The following PECAM1 variants were observed in gnomAD, a reference collection of about 807,000 sequenced individuals.
PECAM1 encodes the protein platelet and endothelial cell adhesion molecule 1.
In PECAM1, 8 loss-of-function variants were observed where a neutral mutation model predicts 13.8. The observed-to-expected ratio is 0.58, with a 90% CI of 0.34 to 1.05. PECAM1 has a LOEUF of 1.05. PECAM1 is among the 50% of genes least tolerant of loss of function. The pLI, the probability that PECAM1 is intolerant of heterozygous loss-of-function variation, is 0.03. For synonymous variants in PECAM1, 136 were observed against 52.6 expected (o/e 2.58, Z -6.86); for missense variants, 304 against 141.2 (o/e 2.15, Z -5.84).
At chr17:64,369,154 C>T (rs994871327) in intron 5 of PECAM1, among the ~76,000 whole-genome samples, 81 of 151,780 alleles carry the variant, frequency 5.3e-4, no homozygotes, top group Non-Finnish European at 7.9e-4. Flanking sequence ...AGGCTGGTCT[C>T]GAACTCCCGG....
intron 7 of PECAM1, among the ~76,000 whole-genome samples, chr17:64,357,826 AGCTTCACATGG>A (rs1442907726): frequency 1.3e-4 from 20 of 152,188 alleles, no homozygotes; most frequent in Non-Finnish European, 2.6e-4. Context: ...TTAAACCAAC[AGCTTCACATGG>A]GCTTCACATT....
chr17:64,380,024 C>CA (rs1225502082), intron 2 of PECAM1, among the ~76,000 whole-genome samples: 2,194 of 113,786 alleles, frequency 0.019, 43 homozygotes, highest in African/African-American at 0.053. Flanking sequence ...GATCCTGTCT[C>CA]AAAAAAAAAA....
At chr17:64,346,344 T>A (rs2035569319) in intron 13 of PECAM1, among the ~76,000 whole-genome samples, 1 of 152,146 alleles carries the variant, frequency 6.6e-6, no homozygotes, top group African/African-American at 2.4e-5. Context: ...GATGCATTTT[T>A]AATTTTTTTT....
Position 64,329,964 on chromosome 17 carries a change from A to AT in PECAM1, c.2165-243dup, listed in dbSNP as rs5821432. Reference sequence around the variant, plus strand: ...TGGCACTTCATTTAAAATTTTCTTTATTTTTTATTTTTTGAGACAGAGTCT... The same window carrying AT: ...TGGCACTTCATTTAAAATTTTCTTTATTTTTTTATTTTTTGAGACAGAGTCT... On this transcript the variant is annotated intron_variant, in intron 14 of 15. Transcript: ENST00000563924. Among the ~76,000 whole-genome samples the AT allele has an allele frequency of 7.6e-3, 1,139 of 149,452 alleles. 11 individuals are homozygous for AT. Among genetic ancestry groups the AT allele is most frequent in the African/African-American group, 0.026 (1,066 of 40,444 alleles).
chr17:64,359,340 C>A lies in PECAM1; in HGVS notation c.1492+800G>T, dbSNP rs962464697. ...GCATGAGATAGAGGCTTAAGGGAAA[C>A]TGTCCACCCCCAAGACAATGGTATA... On this transcript the variant is annotated intron_variant, in intron 7 of 15. Coordinates refer to ENST00000563924, the MANE Select transcript of PECAM1 (RefSeq NM_000442.5). Among the ~76,000 whole-genome samples, 13 of 152,314 alleles carry A rather than the reference C, an allele frequency of 8.5e-5. No homozygotes were observed. The East Asian group carries it at 2.1e-3, about 25-fold the overall frequency.
At position 64,323,659 on chromosome 17, in the gene PECAM1, G is replaced by T; in HGVS notation, c.*157C>A. ...CTACCCAACATTAACTTAGCAGGAT[G>T]GATTTAAGAACCGGCAGCTTAGCCT... On this transcript the variant is annotated 3_prime_UTR_variant, in exon 16 of 16. Transcript: ENST00000563924. 1 of 1,495,454 alleles carries T rather than the reference G, an allele frequency of 6.7e-7. No homozygotes were observed. 92.6% of individuals were successfully genotyped at this position (1,495,454 alleles called of 1,614,324 possible). A position where few individuals can be genotyped will look rare whatever the true frequency, so the allele number is the denominator to read the frequency against.
chr17:64,364,282 T>C (rs149828023), intron 5 of PECAM1, among the ~76,000 whole-genome samples: 58,083 of 151,828 alleles, frequency 0.38, 12,969 homozygotes, highest in East Asian at 0.53. Flanking sequence ...AGGAAGAAGT[T>C]GAATCTCTGA....
chr17:64,380,670 A>C (rs2143890572), intron 2 of PECAM1, among the ~76,000 whole-genome samples: 1 of 152,340 alleles, frequency 6.6e-6, no homozygotes, highest in Admixed American at 6.5e-5. Flanking sequence ...TAAAAACCTC[A>C]AAGAGTCTGC....
Position 64,322,809 on chromosome 17 carries a change from G to A in PECAM1, c.*1007C>T, listed in dbSNP as rs1231133631. ...CCGCTCACTACAACCTCCGTTTCCTGGGTTCAAGCGATAATCTCACCTCAG... is the reference window on the plus strand; with the variant it reads ...CCGCTCACTACAACCTCCGTTTCCTAGGTTCAAGCGATAATCTCACCTCAG... On this transcript the variant is annotated 3_prime_UTR_variant, in exon 16 of 16. Coordinates refer to ENST00000563924, the MANE Select transcript of PECAM1 (RefSeq NM_000442.5). The A allele has an allele frequency of 4.0e-6, 2 of 504,848 alleles. No individual in the cohort carries two copies. The highest frequency in any genetic ancestry group is 5.1e-6 in the Non-Finnish European group (2 of 390,872). The allele number at this position is 504,848 out of a possible 1,614,324, so 31.3% of individuals were successfully genotyped here. A position where few individuals can be genotyped will look rare whatever the true frequency, so the allele number is the denominator to read the frequency against.
At chr17:64,369,668 T>A (rs2036195330) in intron 5 of PECAM1, 82 bp downstream of exon 5, 1 of 397,880 alleles carries the variant, frequency 2.5e-6, no homozygotes, top group Non-Finnish European at 4.4e-6. Flanking sequence ...ATGTATCAGC[T>A]CTCTTTGGCC....
chr17:64,349,936 T>G (rs1335923072), intron 12 of PECAM1, among the ~76,000 whole-genome samples: 1 of 152,102 alleles, frequency 6.6e-6, no homozygotes, highest in African/African-American at 2.4e-5. Context: ...ACAGAATCCT[T>G]TCTCTTTGTT....
At chr17:64,383,850 G>C (rs2036535176) in intron 2 of PECAM1, among the ~76,000 whole-genome samples, 3 of 152,110 alleles carry the variant, frequency 2.0e-5, no homozygotes, top group Non-Finnish European at 4.4e-5. Context: ...AAACAAACTC[G>C]GCAGGGTGTG....
chr17:64,348,468 T>G (rs2035636568), intron 12 of PECAM1, 146 bp from the exon 13 acceptor site: 1 of 357,182 alleles, frequency 2.8e-6, no homozygotes, highest in African/African-American at 2.2e-5. Flanking sequence ...AGTGCAGTGG[T>G]GTGATCTCAG....
intron 12 of PECAM1, among the ~76,000 whole-genome samples, chr17:64,348,882 TC>T (rs1786428508): frequency 6.6e-6 from 1 of 152,208 alleles, no homozygotes; most frequent in Admixed American, 6.5e-5. Flanking sequence ...CATGGTTTCC[TC>T]CCTGACTCCT....
At chr17:64,354,128 A>T (rs901980855) in intron 9 of PECAM1, among the ~76,000 whole-genome samples, 19 of 151,836 alleles carry the variant, frequency 1.3e-4, no homozygotes, top group Non-Finnish European at 2.2e-4. Flanking sequence ...TTTAGTAGAG[A>T]TGGGGGTTTC....
At chr17:64,346,764 G>T (rs2035579746) in intron 13 of PECAM1, among the ~76,000 whole-genome samples, 1 of 152,206 alleles carries the variant, frequency 6.6e-6, no homozygotes, top group Admixed American at 6.5e-5. Context: ...AGGCCAGCCT[G>T]CCCTTGAGAG....
intron 2 of PECAM1, among the ~76,000 whole-genome samples, chr17:64,383,773 A>G (rs1332453679): frequency 1.3e-5 from 2 of 152,182 alleles, no homozygotes; most frequent in Non-Finnish European, 2.9e-5. Context: ...GATGGTACCC[A>G]CTAGCATGGG....
chr17:64,341,511 T>G (rs2035430020), intron 14 of PECAM1, 123 bp downstream of exon 14: 1 of 405,832 alleles, frequency 2.5e-6, no homozygotes, highest in South Asian at 1.3e-4. Context: ...ACAGCGCTGG[T>G]GTAAGAGGTG....
intron 7 of PECAM1, among the ~76,000 whole-genome samples, 157 bp downstream of exon 7, chr17:64,359,983 C>T (rs2035935735): frequency 6.6e-6 from 1 of 152,120 alleles, no homozygotes; most frequent in Non-Finnish European, 1.5e-5. Flanking sequence ...GAACTCCTGG[C>T]CTCAATGATT....
Sources: allele counts gnomAD v4.1 joint callset (sites outside exome capture counted in the v4.1 genomes callset), GRCh38; gene constraint gnomAD v4.1.1; transcripts MANE v1.5; gene names NCBI Gene and HGNC (gene_info 2026-07-23, HGNC 2026-07-21).